The following METTL8 variants were observed in gnomAD, a reference collection of about 807,000 sequenced individuals.
The protein encoded by METTL8 is tRNA N(3)-cytidine methyltransferase METTL8, mitochondrial.
In METTL8, 32 loss-of-function variants were observed where a neutral mutation model predicts 48.7. The ratio of observed to expected loss-of-function variants is 0.66; its 90% CI spans 0.50 to 0.88. METTL8 has a LOEUF of 0.88. Ranked by LOEUF, METTL8 falls within the 40% of genes least tolerant of loss-of-function variation. The pLI, the probability that METTL8 is intolerant of heterozygous loss-of-function variation, is 0.00. For synonymous variants in METTL8, 136 were observed against 157.1 expected, an observed-to-expected ratio of 0.87 and a Z score of 1.01; for missense variants, 464 against 474.4, an observed-to-expected ratio of 0.98 and a Z score of 0.20.
In METTL8 at chr2:171,316,193, T is replaced by A. The variant is rs924102912; in HGVS notation, c.*7979A>T. Reference sequence around the variant, plus strand: ...GAAAAGAAAATCTATGAGGAAAACGTCAGCTTGCTTATCCAGGGAATGAGC... The same window carrying A: ...GAAAAGAAAATCTATGAGGAAAACGACAGCTTGCTTATCCAGGGAATGAGC... On this transcript the variant is annotated 3_prime_UTR_variant, in exon 10 of 10. Coordinates refer to ENST00000375258, the MANE Select transcript of METTL8 (RefSeq NM_001321154.2). Among the ~76,000 whole-genome samples, 1 of 152,186 alleles carries A rather than the reference T, an allele frequency of 6.6e-6. No homozygotes were observed. Among genetic ancestry groups the A allele is most frequent in the African/African-American group, 2.4e-5 (1 of 41,452 alleles).
At chr2:171,328,463 A>C (rs1022141323) in intron 7 of METTL8, among the ~76,000 whole-genome samples, 3 of 152,138 alleles carry the variant, frequency 2.0e-5, no homozygotes, top group African/African-American at 4.8e-5. Flanking sequence ...CTGGGGTTGA[A>C]TCTACTACTA....
intron 5 of METTL8, among the ~76,000 whole-genome samples, chr2:171,333,100 CT>C (rs11427651): frequency 6.3e-4 from 90 of 143,012 alleles, no homozygotes; most frequent in Non-Finnish European, 6.7e-4. Context: ...TTTTTCTTTT[CT>C]TTTTTTTTTT....
In METTL8 at chr2:171,330,648, T is replaced by C. The variant is rs764919759; in HGVS notation, c.771A>G (p.Val257=). 1.9e-6 allele frequency: 3 copies of C among 1,613,536 alleles called. No homozygotes were observed. Among genetic ancestry groups the C allele is most frequent in the African/African-American group, 1.3e-5 (1 of 74,982 alleles). ...AAGGGTAAGGTAAGCCATCATCACA[T>C]ACATCATGAACAAAGGCAAAACACT... ...ATQCFAFVHD[V]CDDGLPYPFP... is the part of the protein sequence containing the mutation. The change falls in exon 7 of 10, where the codon GTA becomes GTG. Residue 257 remains valine (V), a synonymous_variant. Transcript: ENST00000375258.
rs774361245 is a variant in METTL8, at chr2:171,319,070, T to C, written c.*5102A>G. 2 of 152,164 alleles carry C rather than the reference T, an allele frequency of 1.3e-5. No homozygotes were observed. Among genetic ancestry groups the C allele is most frequent in the Non-Finnish European group, 2.9e-5 (2 of 68,026 alleles). The allele number at this position is 152,164 out of a possible 1,614,324, so 9.4% of individuals were successfully genotyped here. On this transcript the variant is annotated 3_prime_UTR_variant, in exon 10 of 10. Transcript: ENST00000375258. ...GCAGTTCAATAGGAACTAGGACCCATGCTTCCTGTTTGACTCTGAGGCAAC... is the reference window on the plus strand; with the variant it reads ...GCAGTTCAATAGGAACTAGGACCCACGCTTCCTGTTTGACTCTGAGGCAAC...
chr2:171,424,367 G>A (rs1412014009), intron 1 of METTL8, among the ~76,000 whole-genome samples: 2 of 152,148 alleles, frequency 1.3e-5, no homozygotes, highest in Non-Finnish European at 2.9e-5. Context: ...CAGAACTGTA[G>A]ATCCACTGAC....
At chr2:171,423,099 C>A (rs1246534150) in intron 1 of METTL8, among the ~76,000 whole-genome samples, 1 of 152,188 alleles carries the variant, frequency 6.6e-6, no homozygotes, top group Non-Finnish European at 1.5e-5. Context: ...TTCTCCCCTG[C>A]TTCACTCTGC....
intron 2 of METTL8, among the ~76,000 whole-genome samples, chr2:171,366,356 C>T (rs1685718025): frequency 6.6e-6 from 1 of 152,158 alleles, no homozygotes; most frequent in East Asian, 1.9e-4. Context: ...CAAACAACAC[C>T]TAAAATCAAA....
Position 171,373,119 on chromosome 2 carries a change from A to G in METTL8, c.144-12606T>C, listed in dbSNP as rs190070113. Among the ~76,000 whole-genome samples, 120 of 152,142 alleles carry G rather than the reference A, an allele frequency of 7.9e-4. 1 individual carries two copies. Among genetic ancestry groups the G allele is most frequent in the Non-Finnish European group, 1.1e-3 (77 of 67,982 alleles). On this transcript the variant is annotated intron_variant, in intron 2 of 9. Coordinates refer to ENST00000375258, the MANE Select transcript of METTL8 (RefSeq NM_001321154.2). ...CCACCAACAGTGTAAAAGTGTTCCTATTTCTCCACATCCTCTCCAGCACCT... is the reference window on the plus strand; with the variant it reads ...CCACCAACAGTGTAAAAGTGTTCCTGTTTCTCCACATCCTCTCCAGCACCT...
intron 2 of METTL8, among the ~76,000 whole-genome samples, chr2:171,368,183 T>C (rs889319065): frequency 1.3e-5 from 2 of 152,240 alleles, no homozygotes; most frequent in African/African-American, 2.4e-5. Context: ...TTATGAAATA[T>C]TGACCCTTGG....
intron 3 of METTL8, among the ~76,000 whole-genome samples, chr2:171,356,666 T>C (rs946206941): frequency 1.3e-5 from 2 of 152,198 alleles, no homozygotes; most frequent in South Asian, 4.1e-4. Flanking sequence ...GCAGTATTTG[T>C]CTTTCTGTGC....
intron 1 of METTL8, among the ~76,000 whole-genome samples, chr2:171,412,003 A>G (rs1221344776): frequency 6.6e-6 from 1 of 152,240 alleles, no homozygotes; most frequent in African/African-American, 2.4e-5. Context: ...GATGGCCACT[A>G]GACACTTGAA....
intron 1 of METTL8, among the ~76,000 whole-genome samples, chr2:171,421,942 A>G (rs182464687): frequency 6.6e-6 from 1 of 152,352 alleles, no homozygotes; most frequent in East Asian, 1.9e-4. Flanking sequence ...ATTTAATGCC[A>G]TCCCAATCAA....
At position 171,344,774 on chromosome 2, in the gene METTL8, G is replaced by T. The variant is rs115679303; in HGVS notation, c.236-5220C>A. Among the ~76,000 whole-genome samples the T allele has an allele frequency of 6.3e-3, 960 of 152,262 alleles. 7 individuals are homozygous for T. The highest frequency in any genetic ancestry group is 0.021 in the African/African-American group (856 of 41,554). On this transcript the variant is annotated intron_variant, in intron 3 of 9. Transcript: ENST00000375258. ...AATGCTGGCAACTCCATAGTTCCCA[G>T]TAATGTGTGAGAGCTTCTGAGACCC...
chr2:171,357,556 TC>T (rs1684717803), intron 3 of METTL8, among the ~76,000 whole-genome samples: 1 of 152,178 alleles, frequency 6.6e-6, no homozygotes, highest in South Asian at 2.1e-4. Flanking sequence ...GGGAAGATAT[TC>T]CATGCTGATG....
At chr2:171,384,621 G>A (rs2105540982) in intron 2 of METTL8, among the ~76,000 whole-genome samples, 1 of 152,188 alleles carries the variant, frequency 6.6e-6, no homozygotes, top group African/African-American at 2.4e-5. Context: ...CTTCAGCCTA[G>A]GAGTTCCAGA....
At chr2:171,375,240 C>G in intron 2 of METTL8, 1 of 1,218,066 alleles carries the variant, frequency 8.2e-7, no homozygotes, top group Non-Finnish European at 1.2e-6. Context: ...GGCCGCGGCC[C>G]TTTTTGGCAT....
intron 1 of METTL8, among the ~76,000 whole-genome samples, chr2:171,429,689 T>C (rs1427885253): frequency 3.3e-5 from 5 of 152,228 alleles, no homozygotes; most frequent in Non-Finnish European, 5.9e-5. Flanking sequence ...ATATGTGACA[T>C]ACTAAAAAGG....
intron 2 of METTL8, among the ~76,000 whole-genome samples, chr2:171,363,792 T>TTATATATATATATATATATATATG (rs200347847): frequency 1.0e-5 from 1 of 97,436 alleles, no homozygotes; most frequent in African/African-American, 4.1e-5. Context: ...TCCCCAAATT[T>TTATATATATATATATATATATATG]TATATATATA....
chr2:171,340,126 AG>A (rs1686568427), intron 3 of METTL8, among the ~76,000 whole-genome samples: 2 of 149,088 alleles, frequency 1.3e-5, no homozygotes, highest in Admixed American at 1.4e-4. Context: ...TGAACCTGGG[AG>A]GTGGAGGTTG....
Sources: allele counts gnomAD v4.1 joint callset (sites outside exome capture counted in the v4.1 genomes callset), GRCh38; gene constraint gnomAD v4.1.1; transcripts MANE v1.5; gene names NCBI Gene and HGNC (gene_info 2026-07-23, HGNC 2026-07-21).